AGO3: variants seen among roughly 807,000 people sequenced by gnomAD.
AGO3 encodes argonaute RISC catalytic component 3, also known as protein argonaute-3.
Under a neutral mutation model 105.5 loss-of-function variants are expected in AGO3, and 16 were observed. The ratio of observed to expected loss-of-function variants is 0.15; its 90% CI spans 0.10 to 0.23. AGO3 has a LOEUF of 0.23. AGO3 is among the 10% of genes least tolerant of loss of function. The probability of loss-of-function intolerance (pLI) is 1.00; values close to 1 mark genes in which losing one functional copy is unlikely to be tolerated. For missense variants in AGO3, 534 were observed against 1,088.0 expected (o/e 0.49, Z 7.16); for synonymous variants, 340 against 367.3 (o/e 0.93, Z 0.85).
intron 5 of AGO3, among the ~76,000 whole-genome samples, chr1:35,989,873 C>CA (rs573957642): frequency 1.8e-3 from 266 of 145,936 alleles, no homozygotes; most frequent in African/African-American, 5.3e-3. Context: ...GACCCTGTCT[C>CA]AAAAAAAAAA....
chr1:35,952,408 G>A (rs1646491275), intron 2 of AGO3, among the ~76,000 whole-genome samples: 2 of 151,964 alleles, frequency 1.3e-5, no homozygotes, highest in Non-Finnish European at 2.9e-5. Context: ...CTCCCAAAAT[G>A]CTAGGATTAC....
chr1:35,969,529 T>G (rs1177474463), intron 3 of AGO3, among the ~76,000 whole-genome samples: 1 of 152,208 alleles, frequency 6.6e-6, no homozygotes, highest in African/African-American at 2.4e-5. Flanking sequence ...GTATATTTTC[T>G]TTTACTCTAT....
intron 9 of AGO3, among the ~76,000 whole-genome samples, chr1:36,010,899 T>A (rs1478154415): frequency 1.3e-4 from 16 of 120,418 alleles, no homozygotes; most frequent in Non-Finnish European, 3.2e-5. Context: ...AGAGCGAAAC[T>A]CTGTCAAAAA....
In AGO3 at chr1:36,058,496, A is replaced by G. The variant is rs1041761517; in HGVS notation, c.*2751A>G. The G allele has an allele frequency of 3.3e-5, 5 of 150,084 alleles. No individual in the cohort carries two copies. The highest frequency in any genetic ancestry group is 1.2e-4 in the African/African-American group (5 of 40,656). The allele number at this position is 150,084 out of a possible 1,614,324, so 9.3% of individuals were successfully genotyped here. The stretch of plus-strand genomic sequence containing the variant: ...ATACTACAGATTGTTTCCAGTGGGC[A>G]TTGTTGTTAGCCTTTCAGAATTCCA... On this transcript the variant is annotated 3_prime_UTR_variant, in exon 19 of 19. Transcript: ENST00000373191.
Position 35,935,022 on chromosome 1 carries a change from T to C in AGO3, c.19+3577T>C, listed in dbSNP as rs904154765. ...AAAAATCAAATTACTGCTCTGTCTG[T>C]GGGCATGAATTTTGAAAGTGATAAA... On this transcript the variant is annotated intron_variant, in intron 1 of 18. Coordinates refer to ENST00000373191, the MANE Select transcript of AGO3 (RefSeq NM_024852.4). Among the ~76,000 whole-genome samples, 149 of 152,226 alleles carry C rather than the reference T, an allele frequency of 9.8e-4. 2 individuals are homozygous for C. Among genetic ancestry groups the C allele is most frequent in the African/African-American group, 3.4e-3 (143 of 41,456 alleles).
At chr1:36,050,440 C>CA (rs1301041510) in intron 17 of AGO3, among the ~76,000 whole-genome samples, 2 of 151,742 alleles carry the variant, frequency 1.3e-5, no homozygotes, top group Non-Finnish European at 2.9e-5. Flanking sequence ...AAACCAAGAT[C>CA]ACGCCACTGC....
At chr1:36,022,575 T>G (rs1641284781) in intron 11 of AGO3, among the ~76,000 whole-genome samples, 1 of 152,146 alleles carries the variant, frequency 6.6e-6, no homozygotes, top group African/African-American at 2.4e-5. Context: ...ATCTTGGCTT[T>G]GGCTGTCAGA....
At chr1:35,975,266 TA>T (rs1186373841) in intron 5 of AGO3, among the ~76,000 whole-genome samples, 1 of 152,190 alleles carries the variant, frequency 6.6e-6, no homozygotes, top group African/African-American at 2.4e-5. Flanking sequence ...ATCAAACTCT[TA>T]GATTTTCTTC....
At chr1:35,997,158 A>G (rs1239911134) in intron 5 of AGO3, among the ~76,000 whole-genome samples, 1 of 152,072 alleles carries the variant, frequency 6.6e-6, no homozygotes, top group East Asian at 1.9e-4. Flanking sequence ...ATGTGCCTGT[A>G]ATCCCAGCTA....
Position 36,056,153 on chromosome 1 carries a change from T to C in AGO3, c.*408T>C, listed in dbSNP as rs536968029. 50 of 159,216 alleles carry C rather than the reference T, an allele frequency of 3.1e-4. No individual in the cohort carries two copies. The highest frequency in any genetic ancestry group is 5.6e-4 in the Non-Finnish European group (40 of 71,984). The allele number at this position is 159,216 out of a possible 1,614,324, so 9.9% of individuals were successfully genotyped here. A position where few individuals can be genotyped will look rare whatever the true frequency, so the allele number is the denominator to read the frequency against. ...TAATCAAAGTGATTTTTCAGAATTA[T>C]GTGTGCAAAAAATTAATGTGCATTC... On this transcript the variant is annotated 3_prime_UTR_variant, in exon 19 of 19. Coordinates refer to ENST00000373191, the MANE Select transcript of AGO3 (RefSeq NM_024852.4).
intron 2 of AGO3, among the ~76,000 whole-genome samples, chr1:35,964,621 T>C (rs941406013): frequency 3.9e-5 from 6 of 152,214 alleles, no homozygotes; most frequent in African/African-American, 1.2e-4. Flanking sequence ...GAACAATTTA[T>C]ATTTCTTTGG....
intron 5 of AGO3, among the ~76,000 whole-genome samples, chr1:35,996,730 C>T (rs1002622927): frequency 3.3e-5 from 5 of 149,386 alleles, no homozygotes; most frequent in African/African-American, 7.5e-5. Context: ...AAGATTGCAC[C>T]GTTGCACTCC....
At chr1:35,941,339 G>A (rs1386482937) in intron 1 of AGO3, among the ~76,000 whole-genome samples, 2 of 151,984 alleles carry the variant, frequency 1.3e-5, no homozygotes, top group African/African-American at 2.4e-5. Context: ...CACATAGTCT[G>A]CTGACTGGTC....
At chr1:35,937,980 CTTT>C (rs1252491042) in intron 1 of AGO3, among the ~76,000 whole-genome samples, 8 of 133,192 alleles carry the variant, frequency 6.0e-5, no homozygotes, top group Admixed American at 2.3e-4. Context: ...AAAATGTATT[CTTT>C]TTTTTTTTTT....
At chr1:36,032,303 A>G (rs1641815087) in intron 12 of AGO3, among the ~76,000 whole-genome samples, 1 of 152,082 alleles carries the variant, frequency 6.6e-6, no homozygotes, top group Admixed American at 6.6e-5. Flanking sequence ...ATTTTCCTAA[A>G]TGATTAGAGA....
At chr1:35,936,685 G>A (rs1646153115) in intron 1 of AGO3, among the ~76,000 whole-genome samples, 1 of 152,118 alleles carries the variant, frequency 6.6e-6, no homozygotes, top group Non-Finnish European at 1.5e-5. Flanking sequence ...TCAAGTTCTT[G>A]GGAAATCAGA....
chr1:36,012,379 A>C (rs760820202), intron 9 of AGO3, among the ~76,000 whole-genome samples: 1 of 151,852 alleles, frequency 6.6e-6, no homozygotes, highest in Non-Finnish European at 1.5e-5. Context: ...TTTCCTGCTT[A>C]TTGTGGAGAG....
intron 17 of AGO3, among the ~76,000 whole-genome samples, chr1:36,049,516 CAA>C (rs755478576): frequency 1.9e-4 from 24 of 127,710 alleles, no homozygotes; most frequent in Admixed American, 1.6e-4. Flanking sequence ...GGCTCTATCT[CAA>C]AAAAAAAAAA....
In AGO3 at chr1:35,966,944, C is replaced by T; in HGVS notation, c.192-11C>T. 6.3e-7 allele frequency: 1 copy of T among 1,598,210 alleles called. No homozygotes were observed. Among genetic ancestry groups the T allele is most frequent in the Middle Eastern group, 1.7e-4 (1 of 5,960 alleles). On this transcript the variant is annotated splice_polypyrimidine_tract_variant and intron_variant, in intron 2 of 18. Transcript: ENST00000373191. ...AGAGGATTATGTGAATATATTGTTTCCCTTCTTTAGGGAGGTGGTTGACTC... is the reference window on the plus strand; with the variant it reads ...AGAGGATTATGTGAATATATTGTTTTCCTTCTTTAGGGAGGTGGTTGACTC...
Sources: gnomAD v4.1 joint callset for allele counts (sites outside exome capture counted in the v4.1 genomes callset) on GRCh38, gnomAD v4.1.1 for gene constraint, MANE v1.5 for transcripts, NCBI Gene and HGNC (gene_info 2026-07-23, HGNC 2026-07-21) for gene names.